Variants in ALG9 observed in about 807,000 individuals in gnomAD.
ALG9 encodes ALG9 alpha-1,2-mannosyltransferase.
ALG9 carries 55 observed loss-of-function variants against 81.8 expected under a neutral mutation model. That is an observed-to-expected ratio of 0.67 (90% CI 0.54 to 0.84). The LOEUF is 0.84. ALG9 is among the 40% of genes least tolerant of loss of function. ALG9 has a pLI of 0.00. For synonymous variants in ALG9, 278 were observed against 274.3 expected, an observed-to-expected ratio of 1.01 and a Z score of -0.13; for missense variants, 629 against 745.0, an observed-to-expected ratio of 0.84 and a Z score of 1.81.
At chr11:111,811,083 A>T (rs1950634972) in intron 13 of ALG9, among the ~76,000 whole-genome samples, 1 of 152,274 alleles carries the variant, frequency 6.6e-6, no homozygotes, top group African/African-American at 2.4e-5. Flanking sequence ...TTTTGGAATT[A>T]TTAAGACAGT....
intron 10 of ALG9, among the ~76,000 whole-genome samples, chr11:111,839,636 T>C (rs982278224): frequency 4.0e-5 from 6 of 151,468 alleles, no homozygotes; most frequent in African/African-American, 1.2e-4. Flanking sequence ...TGTATACTTA[T>C]TATTACAACT....
In ALG9 at chr11:111,865,269, A is replaced by G. The variant is rs1555151796; in HGVS notation, c.406-18T>C. 1.9e-6 allele frequency: 3 copies of G among 1,545,762 alleles called. No individual in the cohort carries two copies. Among genetic ancestry groups the G allele is most frequent in the African/African-American group, 1.4e-5 (1 of 72,824 alleles). ...ACAAGAATCTAAAAGAAACCCAGAAAAAGAAAACAGAAGTCACAGATATGA... is the reference window on the plus strand; with the variant it reads ...ACAAGAATCTAAAAGAAACCCAGAAGAAGAAAACAGAAGTCACAGATATGA... On this transcript the variant is annotated intron_variant, in intron 3 of 14. Coordinates refer to ENST00000616540, the MANE Select transcript of ALG9 (RefSeq NM_024740.2).
At chr11:111,870,013 T>G (rs1200573375) in intron 2 of ALG9, among the ~76,000 whole-genome samples, 1 of 152,082 alleles carries the variant, frequency 6.6e-6, no homozygotes, top group East Asian at 1.9e-4. Flanking sequence ...GGTTTCACCA[T>G]GTTGGTCAGG....
At chr11:111,844,570 C>T (rs1555127092) in intron 9 of ALG9, 31 bp downstream of exon 9, 1 of 1,613,430 alleles carries the variant, frequency 6.2e-7, no homozygotes, top group Non-Finnish European at 8.5e-7. Context: ...TCTTTCCTCC[C>T]AAAACACCTA....
At chr11:111,830,269 GTCTTTTCATTTCC>G (rs1555112486) in intron 13 of ALG9, among the ~76,000 whole-genome samples, 1 of 152,136 alleles carries the variant, frequency 6.6e-6, no homozygotes, top group Non-Finnish European at 1.5e-5. Flanking sequence ...GTATTTTTCT[GTCTTTTCATTTCC>G]TCTTTTAGAT....
chr11:111,857,947 G>T (rs559457051), intron 5 of ALG9: 9 of 427,450 alleles, frequency 2.1e-5, no homozygotes, highest in South Asian at 5.4e-5. Context: ...CTCACTCCTG[G>T]TTTTTTTTTT....
At chr11:111,825,475 T>G (rs1292781073) in intron 13 of ALG9, among the ~76,000 whole-genome samples, 2 of 152,216 alleles carry the variant, frequency 1.3e-5, no homozygotes, top group Non-Finnish European at 2.9e-5. Flanking sequence ...CCCCTAAATA[T>G]TCAATGTTAT....
intron 14 of ALG9, among the ~76,000 whole-genome samples, chr11:111,801,165 AC>A (rs555554244): frequency 6.6e-4 from 100 of 152,376 alleles, no homozygotes; most frequent in Middle Eastern, 6.8e-3. Context: ...TTTCAAGATG[AC>A]AGAGGAACTT....
intron 14 of ALG9, among the ~76,000 whole-genome samples, chr11:111,789,569 C>T (rs1372310945): frequency 7.3e-5 from 11 of 150,934 alleles, no homozygotes; most frequent in African/African-American, 1.7e-4. Context: ...AGGTTGGACG[C>T]GGTGGCTCAT....
At chr11:111,850,308 T>C (rs1310402248) in intron 8 of ALG9, among the ~76,000 whole-genome samples, 1 of 152,172 alleles carries the variant, frequency 6.6e-6, no homozygotes, top group Non-Finnish European at 1.5e-5. Context: ...TCTTGACAGA[T>C]CTTTCCTGTA....
intron 13 of ALG9, among the ~76,000 whole-genome samples, chr11:111,811,836 G>C (rs1432311456): frequency 1.3e-5 from 2 of 152,110 alleles, no homozygotes; most frequent in African/African-American, 4.8e-5. Flanking sequence ...TATGAACTGG[G>C]GAGTGGCTGC....
downstream of ALG9, among the ~76,000 whole-genome samples, chr11:111,777,591 TAC>T (rs1266154416): frequency 3.9e-5 from 6 of 152,090 alleles, no homozygotes; most frequent in East Asian, 1.2e-3. Flanking sequence ...GCAATAAATT[TAC>T]ACTTTGGTGC....
At chr11:111,824,542 A>G (rs959625470) in intron 13 of ALG9, among the ~76,000 whole-genome samples, 2 of 152,256 alleles carry the variant, frequency 1.3e-5, no homozygotes, top group African/African-American at 4.8e-5. Flanking sequence ...TTCAGCCAAT[A>G]GAATAAAGCC....
At chr11:111,773,758 CTTT>C in the ALG9 span, among the ~76,000 whole-genome samples, 1 of 139,476 alleles carries the variant, frequency 7.2e-6, no homozygotes, top group Non-Finnish European at 1.5e-5. Flanking sequence ...TTTGTTTTTG[CTTT>C]TTTTTTTTTT....
chr11:111,792,995 T>C (rs1947655475), intron 14 of ALG9, among the ~76,000 whole-genome samples: 1 of 152,198 alleles, frequency 6.6e-6, no homozygotes, highest in South Asian at 2.1e-4. Context: ...TTTCTTTTTT[T>C]TCTTTTGAGA....
chr11:111,791,597 T>C (rs1947420895), intron 14 of ALG9, among the ~76,000 whole-genome samples: 1 of 152,218 alleles, frequency 6.6e-6, no homozygotes, highest in Admixed American at 6.5e-5. Context: ...AGCCCTTGCC[T>C]GATTGTTCCA....
intron 1 of ALG9, chr11:111,871,059 G>T (rs1964153910): frequency 1.7e-6 from 2 of 1,150,646 alleles, no homozygotes; most frequent in Admixed American, 9.8e-5. Context: ...TATACTCTTT[G>T]ATCCTGTCTA....
intron 13 of ALG9, among the ~76,000 whole-genome samples, chr11:111,819,180 GAACT>G (rs1951950881): frequency 2.0e-5 from 3 of 152,204 alleles, no homozygotes; most frequent in Non-Finnish European, 4.4e-5. Context: ...GACAAGGAAA[GAACT>G]AATAGTCCAA....
chr11:111,839,604 G>GA (rs1375253342), intron 10 of ALG9, among the ~76,000 whole-genome samples: 2 of 134,818 alleles, frequency 1.5e-5, no homozygotes, highest in African/African-American at 5.4e-5. Flanking sequence ...AAAAAAAAGG[G>GA]GGGGGGGGAT....
Sources: allele counts gnomAD v4.1 joint callset (sites outside exome capture counted in the v4.1 genomes callset), GRCh38; gene constraint gnomAD v4.1.1; transcripts MANE v1.5; gene names NCBI Gene and HGNC (gene_info 2026-07-23, HGNC 2026-07-21).